FOXP1: variants seen among roughly 807,000 people sequenced by gnomAD.
The protein encoded by FOXP1 is forkhead box P1.
Under a neutral mutation model 98.2 loss-of-function variants are expected in FOXP1, and 15 were observed. The ratio of observed to expected loss-of-function variants is 0.15; its 90% CI spans 0.10 to 0.24. The LOEUF (loss-of-function observed/expected upper bound fraction) is 0.24. Ranked by LOEUF, FOXP1 falls within the 10% of genes least tolerant of loss-of-function variation. The pLI is 1.00. For synonymous variants in FOXP1, 371 were observed against 314.5 expected (o/e 1.18, Z -1.90); for missense variants, 633 against 848.5 (o/e 0.75, Z 3.15).
At chr3:71,102,032 T>C (rs550360492) in intron 7 of FOXP1, among the ~76,000 whole-genome samples, 1 of 152,258 alleles carries the variant, frequency 6.6e-6, no homozygotes, top group South Asian at 2.1e-4. Flanking sequence ...CCCCAGACCC[T>C]TTAGAAATGA....
intron 20 of FOXP1, among the ~76,000 whole-genome samples, chr3:70,965,406 CTA>C (rs1478651873): frequency 6.6e-6 from 1 of 152,232 alleles, no homozygotes; most frequent in Non-Finnish European, 1.5e-5. Context: ...TAAGAGCAAT[CTA>C]TAAATCATGC....
chr3:71,538,986 G>A (rs921896834), intron 2 of FOXP1, among the ~76,000 whole-genome samples: 2 of 151,982 alleles, frequency 1.3e-5, no homozygotes, highest in Non-Finnish European at 2.9e-5. Context: ...GACCATAAAT[G>A]TAAGGGTTTA....
chr3:71,005,418 T>C (rs2042683462), intron 12 of FOXP1, among the ~76,000 whole-genome samples: 1 of 151,862 alleles, frequency 6.6e-6, no homozygotes, highest in Non-Finnish European at 1.5e-5. Flanking sequence ...TTGATTTTTA[T>C]TCTTCTTCAA....
Position 71,052,593 on chromosome 3 carries a change from C to T in FOXP1, c.454G>A (p.Glu152Lys). The change falls in exon 9 of 21, where the codon GAA becomes AAA. Residue 152 changes from glutamate to lysine, a missense_variant. Transcript: ENST00000649528. ...TGTAAAAGTTGAAGCTGCAACTGTT[C>T]CTGTTGTTTTTTATAAAACTCTTGA... is the stretch of plus-strand genomic sequence containing the variant. ...QLQEFYKKQQ[E>K]QLQLQLLQQQ... 1.4e-6 allele frequency: 2 copies of T among 1,430,590 alleles called. No homozygotes were observed. The highest frequency in any genetic ancestry group is 1.4e-5 in the African/African-American group (1 of 71,560). The allele number at this position is 1,430,590 out of a possible 1,614,324, so 88.6% of individuals were successfully genotyped here.
intron 6 of FOXP1, among the ~76,000 whole-genome samples, chr3:71,121,381 G>A (rs183885313): frequency 1.3e-5 from 2 of 149,804 alleles, no homozygotes; most frequent in East Asian, 2.1e-4. Context: ...AAAAAAAAAG[G>A]GGGGGGGGAT....
At chr3:70,982,637 C>T (rs2039051851) in intron 14 of FOXP1, among the ~76,000 whole-genome samples, 2 of 150,138 alleles carry the variant, frequency 1.3e-5, no homozygotes, top group Admixed American at 1.3e-4. Context: ...ATCAGCTTTT[C>T]TTTTAGCCAT....
chr3:71,339,337 T>C (rs2107770400), intron 4 of FOXP1, among the ~76,000 whole-genome samples: 1 of 152,364 alleles, frequency 6.6e-6, no homozygotes, highest in South Asian at 2.1e-4. Context: ...TACCACTGTT[T>C]AATTTGTCAA....
intron 4 of FOXP1, among the ~76,000 whole-genome samples, chr3:71,358,489 C>T (rs1229075928): frequency 1.3e-5 from 2 of 152,196 alleles, no homozygotes; most frequent in Non-Finnish European, 2.9e-5. Flanking sequence ...TCATCACATT[C>T]GTAAGGAGTT....
intron 3 of FOXP1, among the ~76,000 whole-genome samples, chr3:71,407,309 TG>T (rs1337785107): frequency 6.6e-6 from 1 of 151,796 alleles, no homozygotes; most frequent in East Asian, 1.9e-4. Flanking sequence ...GAGGCTGGGG[TG>T]GGGGGTGGCG....
At chr3:71,482,102 G>A (rs948905199) in intron 3 of FOXP1, among the ~76,000 whole-genome samples, 2 of 152,078 alleles carry the variant, frequency 1.3e-5, no homozygotes, top group East Asian at 3.9e-4. Context: ...CAGCTGACAC[G>A]CACATGTCGC....
At chr3:71,415,262 T>G (rs1294002759) in intron 3 of FOXP1, among the ~76,000 whole-genome samples, 1 of 152,168 alleles carries the variant, frequency 6.6e-6, no homozygotes, top group Non-Finnish European at 1.5e-5. Context: ...TAAAATCCCA[T>G]GAAAAAACAC....
chr3:71,319,973 T>C (rs2075298311), intron 4 of FOXP1, among the ~76,000 whole-genome samples: 1 of 152,110 alleles, frequency 6.6e-6, no homozygotes, highest in Non-Finnish European at 1.5e-5. Context: ...TCCTTCACCC[T>C]GACCAACACT....
Position 71,401,426 on chromosome 3 carries a change from G to A in FOXP1, c.-167-42182C>T, listed in dbSNP as rs557250533. On this transcript the variant is annotated intron_variant, in intron 3 of 20. Coordinates refer to ENST00000649528, the MANE Select transcript of FOXP1 (RefSeq NM_001349338.3). The stretch of plus-strand genomic sequence containing the variant: ...ATTTCTCACACCGACTGAAAAATTC[G>A]TGTTGTCCCCAGAAGCTGTCAGGCT... Among the ~76,000 whole-genome samples the A allele has an allele frequency of 1.6e-4, 24 of 152,284 alleles. 1 individual carries two copies. In the South Asian group the frequency reaches 4.4e-3, roughly 28 times the overall value.
chr3:71,346,529 T>C (rs1445864113), intron 4 of FOXP1, among the ~76,000 whole-genome samples: 2 of 152,330 alleles, frequency 1.3e-5, no homozygotes, highest in Admixed American at 6.5e-5. Context: ...TATCCAACCT[T>C]ATAATAAGTC....
intron 19 of FOXP1, chr3:70,969,878 A>AAAACAAAC (rs3836384): frequency 6.6e-6 from 1 of 151,880 alleles, no homozygotes; most frequent in African/African-American, 2.4e-5. Context: ...GGTAGGGGCA[A>AAAACAAAC]AAACAGGACC....
At chr3:71,226,660 T>C (rs1379466801) in intron 5 of FOXP1, among the ~76,000 whole-genome samples, 2 of 151,870 alleles carry the variant, frequency 1.3e-5, no homozygotes, top group Non-Finnish European at 2.9e-5. Flanking sequence ...TGTCACACAG[T>C]CTCTTTCCCT....
At chr3:71,399,157 C>T (rs933723923) in intron 3 of FOXP1, among the ~76,000 whole-genome samples, 12 of 152,058 alleles carry the variant, frequency 7.9e-5, no homozygotes, top group African/African-American at 2.7e-4. Flanking sequence ...ATTTAACAAC[C>T]ATACGTGTGT....
At chr3:71,337,427 C>T (rs996549031) in intron 4 of FOXP1, among the ~76,000 whole-genome samples, 5 of 152,204 alleles carry the variant, frequency 3.3e-5, no homozygotes, top group African/African-American at 9.7e-5. Flanking sequence ...GGAAATAGGA[C>T]ATCTGGTTCA....
intron 2 of FOXP1, among the ~76,000 whole-genome samples, chr3:71,554,130 T>C (rs1158877210): frequency 1.3e-5 from 2 of 152,176 alleles, no homozygotes; most frequent in Non-Finnish European, 2.9e-5. Context: ...GGAAGATTAC[T>C]TGAGACCAAG....
Sources: allele counts gnomAD v4.1 joint callset (sites outside exome capture counted in the v4.1 genomes callset), GRCh38; gene constraint gnomAD v4.1.1; transcripts MANE v1.5; gene names NCBI Gene and HGNC (gene_info 2026-07-23, HGNC 2026-07-21).